UBR4: variants seen among roughly 807,000 people sequenced by gnomAD.
UBR4 encodes the protein ubiquitin protein ligase E3 component n-recognin 4.
In UBR4, 124 loss-of-function variants were observed where a neutral mutation model predicts 575.6. That is an observed-to-expected ratio of 0.22 (90% CI 0.19 to 0.25). The LOEUF is 0.25. UBR4 is among the 10% of genes least tolerant of loss of function. UBR4 has a pLI of 1.00. For missense variants in UBR4, 4,818 were observed against 6,478.8 expected (o/e 0.74, Z 8.80); for synonymous variants, 2,455 against 2,473.7 (o/e 0.99, Z 0.22).
Position 19,105,137 on chromosome 1 carries a change from G to C in UBR4, c.12556C>G (p.Leu4186Val). Residue 4186 changes from leucine (L) to valine (V), a missense_variant, in exon 85 of 106, where the codon CTC becomes GTC. Physicochemically the swap from Leu to Val is conservative, Grantham distance 32. Around this residue, in one of 29 missense-constraint regions of UBR4, gnomAD observed 178 missense variants for 175.5 expected, o/e 1.01. Coordinates refer to ENST00000375254, the MANE Select transcript of UBR4 (RefSeq NM_020765.3). ...GCAGAAGTGATGAGCTTCTGGTAGA[G>C]AGCCAGGTACTCAGCTGCACACTCC... ...AGECAAEYLA[L>V]YQKLITSAHW... 6.2e-7 allele frequency: 1 copy of C among 1,614,094 alleles called. No homozygotes were observed. The highest frequency in any genetic ancestry group is 8.5e-7 in the Non-Finnish European group (1 of 1,179,984).
At position 19,127,640 on chromosome 1, in the gene UBR4, T is replaced by G. The variant is rs1054861622; in HGVS notation, c.9211A>C (p.Lys3071Gln). 5 of 1,614,106 alleles carry G rather than the reference T, an allele frequency of 3.1e-6. No individual in the cohort carries two copies. Among genetic ancestry groups the G allele is most frequent in the Non-Finnish European group, 4.2e-6 (5 of 1,179,984 alleles). The change falls in exon 63 of 106, where the codon AAG becomes CAG. Residue 3071 changes from lysine to glutamine, a missense_variant. Around this residue, in one of 29 missense-constraint regions of UBR4, gnomAD observed 550 missense variants for 791.5 expected, o/e 0.69. Transcript: ENST00000375254. Reference protein sequence around the residue: ...VFMSRTKSGSKSSICESSSLI... With the variant: ...VFMSRTKSGSQSSICESSSLI... ...AAAAATACCTCACATATGGAAGACT[T>G]GGATCCAGATTTGGTGCGGGACATG...
intron 7 of UBR4, 38 bp downstream of exon 7, chr1:19,197,632 C>T (rs753086362): frequency 1.2e-6 from 2 of 1,607,698 alleles, no homozygotes; most frequent in Admixed American, 3.4e-5. Context: ...GTCCCAAAAA[C>T]AAAAAAAGTA....
chr1:19,115,587 G>C lies in UBR4; in HGVS notation c.10874C>G (p.Thr3625Arg). ...CAACGGCAGGTCAATCTTCACCTCT[G>C]TCTGTCCAGGGGTCAGCTGAACCTT... Reference protein sequence around the residue: ...AKKVQLTPGQTEVKIDLPLPI... With the variant: ...AKKVQLTPGQREVKIDLPLPI... The change falls in exon 74 of 106, where the codon ACA becomes AGA. Residue 3625 changes from threonine (T) to arginine (R), a missense_variant. Transcript: ENST00000375254. The C allele has an allele frequency of 1.2e-6, 2 of 1,614,192 alleles. No homozygotes were observed. Among genetic ancestry groups the C allele is most frequent in the Non-Finnish European group, 1.7e-6 (2 of 1,180,030 alleles).
intron 1 of UBR4, among the ~76,000 whole-genome samples, chr1:19,203,310 G>A (rs969110177): frequency 2.0e-5 from 3 of 151,958 alleles, no homozygotes; most frequent in African/African-American, 7.3e-5. Context: ...AGACCAGCCT[G>A]GCCAATATGG....
In UBR4 at chr1:19,179,092, T is replaced by C; in HGVS notation, c.2313A>G (p.Gln771=). Residue 771 remains glutamine, a synonymous_variant, in exon 18 of 106, where the codon CAA becomes CAG. Coordinates refer to ENST00000375254, the MANE Select transcript of UBR4 (RefSeq NM_020765.3). ...LLIWQHKASA[Q]GDPDVPECLK... is the part of the protein sequence containing the mutation. Reference sequence around the variant, plus strand: ...GGCATTCTGGGACGTCAGGGTCACCTTGAGCACTGGCTTTATGTTGCCAGA... The same window carrying C: ...GGCATTCTGGGACGTCAGGGTCACCCTGAGCACTGGCTTTATGTTGCCAGA... The C allele has an allele frequency of 6.2e-7, 1 of 1,613,958 alleles. No individual in the cohort carries two copies. Among genetic ancestry groups the C allele is most frequent in the Non-Finnish European group, 8.5e-7 (1 of 1,179,968 alleles).
At chr1:19,209,242 A>C (rs2093178557) in intron 1 of UBR4, among the ~76,000 whole-genome samples, 1 of 152,224 alleles carries the variant, frequency 6.6e-6, no homozygotes, top group African/African-American at 2.4e-5. Flanking sequence ...AGAAAAATGA[A>C]AGTCAGTCTG....
intron 102 of UBR4, among the ~76,000 whole-genome samples, chr1:19,083,411 T>C (rs993567038): frequency 4.6e-5 from 7 of 152,230 alleles, no homozygotes; most frequent in African/African-American, 1.7e-4. Context: ...TAAACTGTGC[T>C]GCAGCTACCC....
chr1:19,161,297 A>G, intron 37 of UBR4, 150 bp from the exon 38 acceptor site: 3 of 785,154 alleles, frequency 3.8e-6, no homozygotes, highest in African/African-American at 1.7e-5. Context: ...TCTTCATAGT[A>G]TTCACCTAAT....
In UBR4 at chr1:19,100,329, G is replaced by A. The variant is rs1297002306; in HGVS notation, c.13221+47C>T. 1 of 1,606,314 alleles carries A rather than the reference G, an allele frequency of 6.2e-7. No individual in the cohort carries two copies. The highest frequency in any genetic ancestry group is 8.5e-7 in the Non-Finnish European group (1 of 1,174,380). ...CACCTGGATTTGGTTAGCCTAGGAG[G>A]AAGCCCCTAATCGTAAACGTGGGCA... On this transcript the variant is annotated intron_variant, in intron 89 of 105. Coordinates refer to ENST00000375254, the MANE Select transcript of UBR4 (RefSeq NM_020765.3). This position sits in a 1 kb window ranked among gnomAD's most constrained non-coding sequence, Gnocchi z 4.2.
Position 19,122,056 on chromosome 1 carries a change from T to C in UBR4, c.9817-44A>G, listed in dbSNP as rs201698856. On this transcript the variant is annotated intron_variant, in intron 66 of 105. Coordinates refer to ENST00000375254, the MANE Select transcript of UBR4 (RefSeq NM_020765.3). ...ACGGGAAAGGAGTAACTCCACCACA[T>C]TGCCCAGACAAGCACCACACCTGCT... The C allele has an allele frequency of 4.4e-6, 7 of 1,601,396 alleles. No homozygotes were observed. The East Asian group carries it at 1.1e-4, about 26-fold the overall frequency.
chr1:19,208,448 CAG>C (rs71736683), intron 1 of UBR4, among the ~76,000 whole-genome samples: 11,696 of 108,560 alleles, frequency 0.11, 563 homozygotes, highest in Non-Finnish European at 0.13. Flanking sequence ...GCCTGGGTGA[CAG>C]AGCAAGAATC....
chr1:19,083,517 C>A (rs1454043923), intron 102 of UBR4, among the ~76,000 whole-genome samples: 2 of 152,170 alleles, frequency 1.3e-5, no homozygotes, highest in Non-Finnish European at 2.9e-5. Context: ...AATGGAAGAG[C>A]TAAAGGATAG....
At chr1:19,094,871 A>G in intron 94 of UBR4, 35 bp downstream of exon 94, 1 of 1,610,610 alleles carries the variant, frequency 6.2e-7, no homozygotes. Flanking sequence ...GCAGGCTCTC[A>G]GTGCCTGCAG....
intron 63 of UBR4, 72 bp from the exon 64 acceptor site, chr1:19,126,727 G>C (rs564108751): frequency 6.6e-7 from 1 of 1,515,978 alleles, no homozygotes; most frequent in African/African-American, 1.4e-5. Flanking sequence ...GGTGGGTGTT[G>C]GGGATGGGAA....
At chr1:19,143,319 A>AAAGC (rs2084354059) in intron 55 of UBR4, among the ~76,000 whole-genome samples, 1 of 147,488 alleles carries the variant, frequency 6.8e-6, no homozygotes, top group African/African-American at 2.5e-5. Context: ...AGAAAGAAAG[A>AAAGC]AAATTTAAAA....
In UBR4 at chr1:19,074,654, C is replaced by T. The variant is rs1369930103; in HGVS notation, c.*178G>A. On this transcript the variant is annotated 3_prime_UTR_variant, in exon 106 of 106. Transcript: ENST00000375254. Reference sequence around the variant, plus strand: ...AGACAACCTCATAGCTGGTGCACCACACACACGAGATAAAACAGGAAGCCT... The same window carrying T: ...AGACAACCTCATAGCTGGTGCACCATACACACGAGATAAAACAGGAAGCCT... 4.4e-6 allele frequency: 3 copies of T among 687,858 alleles called. No individual in the cohort carries two copies. The highest frequency in any genetic ancestry group is 7.5e-6 in the Non-Finnish European group (3 of 399,514). 42.6% of individuals were successfully genotyped at this position (687,858 alleles called of 1,614,324 possible).
In UBR4 at chr1:19,104,713, T is replaced by C. The variant is rs1448913645; in HGVS notation, c.12646-47A>G. The C allele has an allele frequency of 3.8e-6, 6 of 1,579,478 alleles. No homozygotes were observed. In the Admixed American group the frequency reaches 8.5e-5, roughly 22 times the overall value. On this transcript the variant is annotated intron_variant, in intron 85 of 105. Transcript: ENST00000375254. ...GTCAGTGTGATATCACTGCCAAGGA[T>C]ACCAGTTACCTCCACCACTGTCCCA...
chr1:19,113,861 C>G, intron 76 of UBR4, 34 bp from the exon 77 acceptor site: 1 of 1,614,150 alleles, frequency 6.2e-7, no homozygotes, highest in East Asian at 2.2e-5. Flanking sequence ...TCAGGCTCCC[C>G]ACCTAAGGTG....
At chr1:19,141,279 G>GT in intron 57 of UBR4, 68 bp downstream of exon 57, 1 of 1,607,276 alleles carries the variant, frequency 6.2e-7, no homozygotes, top group South Asian at 1.1e-5. Flanking sequence ...CTGGATATCA[G>GT]TAACTGCCAA....
Sources: gnomAD v4.1 joint callset for allele counts (sites outside exome capture counted in the v4.1 genomes callset) on GRCh38, gnomAD v4.1.1 for gene constraint, gnomAD v4.1.1 regional missense constraint, Gnocchi (gnomAD v3.1) non-coding constraint, MANE v1.5 for transcripts, NCBI Gene and HGNC (gene_info 2026-07-23, HGNC 2026-07-21) for gene names.